Variants in MAN1A2 observed in about 807,000 individuals in gnomAD.
MAN1A2 encodes the protein mannosyl-oligosaccharide 1,2-alpha-mannosidase IB.
Under a neutral mutation model 75.7 loss-of-function variants are expected in MAN1A2, and 26 were observed. That is an observed-to-expected ratio of 0.34 (90% CI 0.25 to 0.48). The LOEUF (loss-of-function observed/expected upper bound fraction) is 0.48, where lower values mean the gene tolerates loss of function less well. Ranked by LOEUF, MAN1A2 falls within the 20% of genes least tolerant of loss-of-function variation. The pLI, the probability that MAN1A2 is intolerant of heterozygous loss-of-function variation, is 0.99. For missense variants in MAN1A2, 562 were observed against 775.5 expected, an observed-to-expected ratio of 0.72 and a Z score of 3.27; for synonymous variants, 247 against 264.6, an observed-to-expected ratio of 0.93 and a Z score of 0.65.
rs191205148 is a variant in MAN1A2, at chr1:117,448,657, A to C, written c.950+6332A>C. 5.3e-5 allele frequency among the ~76,000 whole-genome samples: 8 copies of C among 152,328 alleles called. No individual in the cohort carries two copies. The East Asian group carries it at 1.5e-3, about 29-fold the overall frequency. ...GAAGACAAAACAATAGAAACCACCT[A>C]AACTGAAGCACAGAAAGAGAAATAA... On this transcript the variant is annotated intron_variant, in intron 6 of 12. Coordinates refer to ENST00000356554, the MANE Select transcript of MAN1A2 (RefSeq NM_006699.5).
At chr1:117,494,904 A>G (rs1405715221) in intron 9 of MAN1A2, 1 of 151,950 alleles carries the variant, frequency 6.6e-6, no homozygotes, top group Non-Finnish European at 1.5e-5. Context: ...TTGAAACATA[A>G]TAAGTATTCC....
At chr1:117,430,247 C>T in intron 5 of MAN1A2, among the ~76,000 whole-genome samples, 1 of 129,142 alleles carries the variant, frequency 7.7e-6, no homozygotes, top group Admixed American at 7.2e-5. Flanking sequence ...CACGGCTGGC[C>T]AGGCGGGGGG....
At chr1:117,396,174 T>C (rs1653899824) in intron 1 of MAN1A2, among the ~76,000 whole-genome samples, 1 of 152,238 alleles carries the variant, frequency 6.6e-6, no homozygotes, top group Non-Finnish European at 1.5e-5. Flanking sequence ...ACCCAGAGCC[T>C]TGTCCTAAGC....
intron 4 of MAN1A2, among the ~76,000 whole-genome samples, chr1:117,419,424 G>T (rs566293305): frequency 6.6e-6 from 1 of 152,098 alleles, no homozygotes; most frequent in South Asian, 2.1e-4. Context: ...TATGTTAGAT[G>T]TTGGGAATAT....
At chr1:117,491,556 G>A (rs1388278325) in intron 8 of MAN1A2, among the ~76,000 whole-genome samples, 1 of 152,016 alleles carries the variant, frequency 6.6e-6, no homozygotes, top group Non-Finnish European at 1.5e-5. Context: ...ATTAATGTTG[G>A]TTTCATGCCT....
intron 5 of MAN1A2, among the ~76,000 whole-genome samples, chr1:117,434,799 CCATT>C (rs1179518157): frequency 8.1e-5 from 11 of 135,328 alleles, no homozygotes; most frequent in Non-Finnish European, 1.4e-4. Flanking sequence ...GTGTGTGTAT[CCATT>C]CAGTCAGCTA....
intron 3 of MAN1A2, among the ~76,000 whole-genome samples, chr1:117,405,997 G>A (rs1647603633): frequency 6.6e-6 from 1 of 151,982 alleles, no homozygotes; most frequent in Non-Finnish European, 1.5e-5. Flanking sequence ...AGAGGAAGAG[G>A]GGAGGGATAG....
intron 6 of MAN1A2, among the ~76,000 whole-genome samples, chr1:117,457,700 T>C (rs528793032): frequency 1.3e-5 from 2 of 152,288 alleles, no homozygotes; most frequent in East Asian, 3.9e-4. Context: ...TCATCCGCTA[T>C]GCTGAAACCT....
At chr1:117,501,105 TTTC>T (rs1349546888) in intron 11 of MAN1A2, among the ~76,000 whole-genome samples, 1 of 151,774 alleles carries the variant, frequency 6.6e-6, no homozygotes, top group Non-Finnish European at 1.5e-5. Context: ...TCCTGTGTGC[TTTC>T]TTCAAGTATG....
chr1:117,472,021 C>T (rs1485010577), intron 8 of MAN1A2, among the ~76,000 whole-genome samples: 2 of 151,720 alleles, frequency 1.3e-5, no homozygotes, highest in Admixed American at 6.6e-5. Context: ...TAATATAATA[C>T]GGATCTGGAT....
In MAN1A2 at chr1:117,368,100, C is replaced by T. The variant is rs997277933; in HGVS notation, c.-84C>T. 7.9e-6 allele frequency: 11 copies of T among 1,387,788 alleles called. No individual in the cohort carries two copies. The Admixed American group carries it at 2.3e-4, about 29-fold the overall frequency. The allele number at this position is 1,387,788 out of a possible 1,614,324, so 86.0% of individuals were successfully genotyped here. A position where few individuals can be genotyped will look rare whatever the true frequency, so the allele number is the denominator to read the frequency against. On this transcript the variant is annotated 5_prime_UTR_variant, in exon 1 of 13. Transcript: ENST00000356554. The stretch of plus-strand genomic sequence containing the variant: ...CAAAATTGAGTTTTCCCATTTTGGC[C>T]AAGATTTTGAAGACAGTTCAATGTA...
chr1:117,498,204 A>T (rs534297414), intron 10 of MAN1A2, among the ~76,000 whole-genome samples: 1 of 151,978 alleles, frequency 6.6e-6, no homozygotes, highest in Admixed American at 6.6e-5. Context: ...TATCGTGTTG[A>T]TACAGAATGC....
At chr1:117,432,275 A>G (rs936973280) in intron 5 of MAN1A2, among the ~76,000 whole-genome samples, 2 of 152,188 alleles carry the variant, frequency 1.3e-5, no homozygotes, top group Non-Finnish European at 2.9e-5. Flanking sequence ...ATGGAATATT[A>G]TAAGCAGTTT....
In MAN1A2 at chr1:117,414,847, A is replaced by G. The variant is rs747558605; in HGVS notation, c.774+16A>G. 2.9e-6 allele frequency: 4 copies of G among 1,376,190 alleles called. No homozygotes were observed. Among genetic ancestry groups the G allele is most frequent in the African/African-American group, 2.9e-5 (2 of 70,128 alleles). 85.2% of individuals were successfully genotyped at this position (1,376,190 alleles called of 1,614,324 possible). ...TTTCAGTGTGGTGAGTGTATGATTG[A>G]TAACTAATCTCTTAGATTAACCATG... is the stretch of plus-strand genomic sequence containing the variant. On this transcript the variant is annotated intron_variant, in intron 4 of 12. Coordinates refer to ENST00000356554, the MANE Select transcript of MAN1A2 (RefSeq NM_006699.5).
intron 1 of MAN1A2, among the ~76,000 whole-genome samples, chr1:117,378,939 A>C (rs1401375836): frequency 6.6e-6 from 1 of 152,090 alleles, no homozygotes; most frequent in Non-Finnish European, 1.5e-5. Context: ...ATTCTGTGTT[A>C]ATATGCATTA....
chr1:117,510,264 A>G (rs572313377), intron 12 of MAN1A2, among the ~76,000 whole-genome samples: 1 of 152,148 alleles, frequency 6.6e-6, no homozygotes, highest in South Asian at 2.1e-4. Flanking sequence ...CATTTGACAT[A>G]ACTATAATTA....
intron 1 of MAN1A2, among the ~76,000 whole-genome samples, chr1:117,374,699 T>C (rs1186556518): frequency 6.6e-6 from 1 of 152,230 alleles, no homozygotes; most frequent in Non-Finnish European, 1.5e-5. Context: ...TCAACTTCTC[T>C]GTGCCTCGAT....
chr1:117,511,481 G>A (rs1049797936), intron 12 of MAN1A2, among the ~76,000 whole-genome samples: 1 of 151,816 alleles, frequency 6.6e-6, no homozygotes, highest in Non-Finnish European at 1.5e-5. Context: ...AGCCTAGATG[G>A]ATTTTTTTTT....
chr1:117,375,888 A>G (rs1653119643), intron 1 of MAN1A2, among the ~76,000 whole-genome samples: 1 of 151,038 alleles, frequency 6.6e-6, no homozygotes, highest in Non-Finnish European at 1.5e-5. Flanking sequence ...TTCTTTTTCT[A>G]AGATGTATTT....
Sources: allele counts gnomAD v4.1 joint callset (sites outside exome capture counted in the v4.1 genomes callset), GRCh38; gene constraint gnomAD v4.1.1; transcripts MANE v1.5; gene names NCBI Gene and HGNC (gene_info 2026-07-23, HGNC 2026-07-21).